Variants in TCAF1 observed in about 807,000 individuals in gnomAD.
TCAF1 encodes the protein TRPM8 channel associated factor 1.
TCAF1 carries 4 observed loss-of-function variants against 27.3 expected under a neutral mutation model. That is an observed-to-expected ratio of 0.15 (90% CI 0.07 to 0.34). TCAF1 has a LOEUF of 0.34. Ranked by LOEUF, TCAF1 falls within the 10% of genes least tolerant of loss-of-function variation. TCAF1 has a pLI of 1.00. For synonymous variants in TCAF1, 105 were observed against 167.1 expected, an observed-to-expected ratio of 0.63 and a Z score of 2.87; for missense variants, 257 against 425.8, an observed-to-expected ratio of 0.60 and a Z score of 3.49.
intron 1 of TCAF1, among the ~76,000 whole-genome samples, chr7:143,891,775 G>A (rs1813645115): frequency 6.6e-6 from 1 of 152,248 alleles, no homozygotes; most frequent in Non-Finnish European, 1.5e-5. Flanking sequence ...GAAACTTTAT[G>A]TTCCCCGAGC....
At chr7:143,891,797 A>G (rs556943400) in intron 1 of TCAF1, among the ~76,000 whole-genome samples, 52 of 152,310 alleles carry the variant, frequency 3.4e-4, no homozygotes, top group Middle Eastern at 3.4e-3. Context: ...GAATACACAG[A>G]AAGAAAACTA....
chr7:143,880,289 G>T (rs2116799628), intron 1 of TCAF1, among the ~76,000 whole-genome samples: 1 of 152,278 alleles, frequency 6.6e-6, no homozygotes, highest in African/African-American at 2.4e-5. Flanking sequence ...AATGCCCAGA[G>T]AATTAATTAT....
intron 1 of TCAF1, among the ~76,000 whole-genome samples, chr7:143,881,188 T>C (rs1812999630): frequency 1.3e-5 from 2 of 152,166 alleles, no homozygotes; most frequent in Non-Finnish European, 2.9e-5. Context: ...TATGGTAGTG[T>C]GATTTCAAAT....
At chr7:143,896,429 C>T (rs923069222) in intron 1 of TCAF1, among the ~76,000 whole-genome samples, 6 of 151,948 alleles carry the variant, frequency 3.9e-5, no homozygotes, top group Non-Finnish European at 5.9e-5. Context: ...TAATTGGCAA[C>T]TCAAGCAAAT....
intron 7 of TCAF1, among the ~76,000 whole-genome samples, chr7:143,857,849 GA>G: frequency 8.3e-6 from 1 of 121,162 alleles, no homozygotes; most frequent in South Asian, 3.1e-4. Context: ...GGCTTTTGGG[GA>G]AAAAAAGTGA....
intron 1 of TCAF1, chr7:143,882,931 T>A: frequency 1.1e-6 from 1 of 944,476 alleles, no homozygotes; most frequent in Non-Finnish European, 1.3e-6. Flanking sequence ...CCTCCCAGGC[T>A]GGAGTGGGAG....
intron 1 of TCAF1, among the ~76,000 whole-genome samples, chr7:143,891,939 A>C (rs1813652352): frequency 6.6e-6 from 1 of 152,174 alleles, no homozygotes; most frequent in South Asian, 2.1e-4. Context: ...AGAGTGATGA[A>C]AATAAGAACA....
chr7:143,895,745 G>T (rs918208861), intron 1 of TCAF1, among the ~76,000 whole-genome samples: 1 of 151,568 alleles, frequency 6.6e-6, no homozygotes, highest in African/African-American at 2.4e-5. Context: ...CGGGGTAAGA[G>T]ACAAGGTACT....
At chr7:143,896,314 T>C (rs1586801689) in intron 1 of TCAF1, among the ~76,000 whole-genome samples, 1 of 151,926 alleles carries the variant, frequency 6.6e-6, no homozygotes, top group East Asian at 1.9e-4. Context: ...TTACAACAAT[T>C]CACTGATAAC....
At chr7:143,881,531 TAA>T (rs1276303111) in intron 1 of TCAF1, among the ~76,000 whole-genome samples, 1 of 152,176 alleles carries the variant, frequency 6.6e-6, no homozygotes, top group East Asian at 1.9e-4. Flanking sequence ...ATTTTTCACT[TAA>T]GATTGTTTAA....
chr7:143,885,369 T>C (rs1397313094), intron 1 of TCAF1: 7 of 984,402 alleles, frequency 7.1e-6, no homozygotes, highest in African/African-American at 3.5e-5. Context: ...GTGCAGACGG[T>C]TGGGGGTTGG....
rs117890816 is a variant in TCAF1 at position 143,886,099 on chromosome 7, C to T, written c.-14-9477G>A. 1.2e-3 allele frequency among the ~76,000 whole-genome samples: 176 copies of T among 152,304 alleles called. 2 individuals carry two copies. In the East Asian group the frequency reaches 0.025, roughly 21 times the overall value. ...AACTGGCTTTATGCCTGACCAGGTC[C>T]TGCACTCGCATCTACTCATCTAACC... On this transcript the variant is annotated intron_variant, in intron 1 of 8. Coordinates refer to ENST00000479870, the MANE Select transcript of TCAF1 (RefSeq NM_014719.3).
Position 143,876,390 on chromosome 7 carries a change from G to A in TCAF1, c.219C>T (p.Leu73=). 1 of 1,614,062 alleles carries A rather than the reference G, an allele frequency of 6.2e-7. No individual in the cohort carries two copies. Among genetic ancestry groups the A allele is most frequent in the Non-Finnish European group, 8.5e-7 (1 of 1,179,976 alleles). ...CCACTGCGTTCAGGAGAAAGGGCGT[G>A]AGCTGGGCTTCCACCAAGTAGTCCT... is the stretch of plus-strand genomic sequence containing the variant. ...SHEDYLVEAQ[L]TPFLLNAVGW... is the part of the protein sequence containing the mutation. The change falls in exon 2 of 9, where the codon CTC becomes CTT. Residue 73 remains leucine (L), a synonymous_variant. Transcript: ENST00000479870.
chr7:143,888,425 A>C (rs1269961559), intron 1 of TCAF1, among the ~76,000 whole-genome samples: 1 of 152,224 alleles, frequency 6.6e-6, no homozygotes. Context: ...TCCCAGCACA[A>C]AGCTCACACA....
At chr7:143,878,348 CATACTA>C (rs927533531) in intron 1 of TCAF1, among the ~76,000 whole-genome samples, 5 of 152,164 alleles carry the variant, frequency 3.3e-5, no homozygotes, top group African/African-American at 4.8e-5. Context: ...ATTTTGGTAC[CATACTA>C]ATACTAACAC....
chr7:143,876,733 AGGCTGACACT>A, intron 1 of TCAF1, 111 bp from the exon 2 acceptor site: 1 of 782,912 alleles, frequency 1.3e-6, no homozygotes, highest in Non-Finnish European at 1.8e-6. Flanking sequence ...TATGCAGATG[AGGCTGACACT>A]GGGAAATGAT....
intron 1 of TCAF1, among the ~76,000 whole-genome samples, chr7:143,878,237 G>A (rs905425380): frequency 6.6e-6 from 1 of 152,142 alleles, no homozygotes; most frequent in Non-Finnish European, 1.5e-5. Flanking sequence ...TTAAGCATGT[G>A]AATAATAGAG....
chr7:143,875,914 G>A, intron 2 of TCAF1, 75 bp downstream of exon 2: 1 of 1,368,640 alleles, frequency 7.3e-7, no homozygotes, highest in South Asian at 1.5e-5. Context: ...TGTTAGCCTT[G>A]GAGCAACCTG....
At chr7:143,900,529 C>T (rs1251355713) in intron 1 of TCAF1, among the ~76,000 whole-genome samples, 2 of 151,964 alleles carry the variant, frequency 1.3e-5, no homozygotes, top group Admixed American at 1.3e-4. Flanking sequence ...CGACCCTACG[C>T]CTAGCCTTGA....
Sources: allele counts gnomAD v4.1 joint callset (sites outside exome capture counted in the v4.1 genomes callset), GRCh38; gene constraint gnomAD v4.1.1; transcripts MANE v1.5; gene names NCBI Gene and HGNC (gene_info 2026-07-23, HGNC 2026-07-21).